The following RPS6KA2 variants were observed in gnomAD, a reference collection of about 807,000 sequenced individuals.
The protein encoded by RPS6KA2 is ribosomal protein S6 kinase alpha-2.
Under a neutral mutation model 91.8 loss-of-function variants are expected in RPS6KA2, and 42 were observed. That is an observed-to-expected ratio of 0.46 (90% CI 0.36 to 0.59). RPS6KA2 has a LOEUF of 0.59. RPS6KA2 is among the 20% of genes least tolerant of loss of function. RPS6KA2 has a pLI of 0.00. For synonymous variants in RPS6KA2, 414 were observed against 393.6 expected, an observed-to-expected ratio of 1.05 and a Z score of -0.61; for missense variants, 798 against 978.5, an observed-to-expected ratio of 0.82 and a Z score of 2.46.
chr6:166,543,443 C>T (rs143022481), intron 1 of RPS6KA2, among the ~76,000 whole-genome samples: 46 of 152,290 alleles, frequency 3.0e-4, no homozygotes, highest in African/African-American at 1.1e-3. Flanking sequence ...ACCAAAGGTG[C>T]CCTTCTCAAG....
At chr6:166,502,433 AC>A (rs1433318236) in intron 6 of RPS6KA2, among the ~76,000 whole-genome samples, 1 of 152,206 alleles carries the variant, frequency 6.6e-6, no homozygotes, top group East Asian at 1.9e-4. Context: ...GAACAACACA[AC>A]CTTTTCCTTC....
rs1031691088 is a variant in RPS6KA2 at position 166,490,927 on chromosome 6, G to T, written c.748-186C>A. Among the ~76,000 whole-genome samples the T allele has an allele frequency of 5.3e-5, 8 of 152,256 alleles. No homozygotes were observed. The highest frequency in any genetic ancestry group is 5.2e-4 in the Admixed American group (8 of 15,294). ...TGACTAAAACTGCCTCGCAGAGCTT[G>T]CCATTTGGTGGGTGAGACGGGTAAA... On this transcript the variant is annotated intron_variant, in intron 8 of 20. Coordinates refer to ENST00000265678, the MANE Select transcript of RPS6KA2 (RefSeq NM_021135.6). The surrounding 1 kb of genome is among the most constrained non-coding windows in gnomAD (Gnocchi z 4.2).
At chr6:166,853,764 C>T (rs944044252) in intron 2 of RPS6KA2, among the ~76,000 whole-genome samples, 1 of 152,248 alleles carries the variant, frequency 6.6e-6, no homozygotes, top group Non-Finnish European at 1.5e-5. Flanking sequence ...CCCAGTTAGG[C>T]CTGCAGGGCA....
At chr6:166,656,062 C>G (rs1787993126) in intron 2 of RPS6KA2, among the ~76,000 whole-genome samples, 1 of 152,188 alleles carries the variant, frequency 6.6e-6, no homozygotes, top group Non-Finnish European at 1.5e-5. Context: ...CAGCACACAC[C>G]TCTAAACACA....
At chr6:166,652,418 G>A (rs1035447561) in intron 2 of RPS6KA2, among the ~76,000 whole-genome samples, 5 of 152,072 alleles carry the variant, frequency 3.3e-5, no homozygotes, top group African/African-American at 4.8e-5. Context: ...TTTTCCTTGC[G>A]ATGTTTCCCA....
In RPS6KA2 at chr6:166,413,864, T is replaced by G. The variant is rs1297824161; in HGVS notation, c.2006A>C (p.His669Pro). The change falls in exon 20 of 21, where the codon CAC (histidine) becomes CCC (proline). Residue 669 changes from histidine (H) to proline (P), a missense_variant. Physicochemically the swap from His to Pro is moderately conservative, Grantham distance 77. Coordinates refer to ENST00000265678, the MANE Select transcript of RPS6KA2 (RefSeq NM_021135.6). ...GTACTCTCTGTTGACCACCCACGGG[T>G]GTTTGAGCACTTGCATCGCCGTCAG... ...QRLTAMQVLK[H>P]PWVVNREYLS... is the part of the protein sequence containing the mutation. The G allele has an allele frequency of 1.9e-6, 3 of 1,614,130 alleles. No homozygotes were observed. The highest frequency in any genetic ancestry group is 1.7e-6 in the Non-Finnish European group (2 of 1,180,010).
In RPS6KA2 at chr6:166,563,349, C is replaced by G. The variant is rs986001780; in HGVS notation, c.100-24565G>C. On this transcript the variant is annotated intron_variant, in intron 1 of 20. Transcript: ENST00000265678. The surrounding 1 kb of genome is among the most constrained non-coding windows in gnomAD (Gnocchi z 4.1). ...ATCAGCCTCTGTTCCTTCTTTTCCG[C>G]AGCTCACCTGTTCCCGGCTTTTCCT... is the stretch of plus-strand genomic sequence containing the variant. Among the ~76,000 whole-genome samples, 35 of 152,224 alleles carry G rather than the reference C, an allele frequency of 2.3e-4. No individual in the cohort carries two copies. Among genetic ancestry groups the G allele is most frequent in the African/African-American group, 8.2e-4 (34 of 41,454 alleles).
chr6:166,589,688 G>A (rs1174529906), intron 1 of RPS6KA2, among the ~76,000 whole-genome samples: 4 of 152,152 alleles, frequency 2.6e-5, no homozygotes, highest in Admixed American at 2.6e-4. Context: ...GGTAGAAATG[G>A]GCGCACATCA....
intron 2 of RPS6KA2, among the ~76,000 whole-genome samples, chr6:166,833,781 A>T (rs1046179658): frequency 6.6e-6 from 1 of 152,222 alleles, no homozygotes; most frequent in East Asian, 1.9e-4. Flanking sequence ...TCATTTGAGC[A>T]GGTTCCAGCT....
intron 14 of RPS6KA2, among the ~76,000 whole-genome samples, chr6:166,444,627 G>A (rs1030033894): frequency 3.9e-5 from 6 of 152,202 alleles, no homozygotes; most frequent in South Asian, 2.1e-4. Flanking sequence ...AAACAGTGCC[G>A]TGCGCGTGAG....
chr6:166,752,360 A>C, intron 2 of RPS6KA2, among the ~76,000 whole-genome samples: 1 of 152,196 alleles, frequency 6.6e-6, no homozygotes, highest in East Asian at 1.9e-4. Context: ...TCAGCTTCAC[A>C]TTCAACAGCG....
chr6:166,464,442 A>G (rs759378945), intron 11 of RPS6KA2, among the ~76,000 whole-genome samples: 3 of 152,210 alleles, frequency 2.0e-5, no homozygotes, highest in Non-Finnish European at 4.4e-5. Flanking sequence ...AGTAATAATA[A>G]GAGTCAGTGC....
Position 166,508,109 on chromosome 6 carries a change from G to T in RPS6KA2, c.459+94C>A. On this transcript the variant is annotated intron_variant, in intron 5 of 20. Transcript: ENST00000265678. The surrounding 1 kb of genome is among the most constrained non-coding windows in gnomAD (Gnocchi z 4.3). The stretch of plus-strand genomic sequence containing the variant: ...CACACACACACGCACTCTCGCACGT[G>T]CTCACGTCCTCTCAATGCTCTCCAC... The T allele has an allele frequency of 1.3e-6, 1 of 763,474 alleles. No individual in the cohort carries two copies. 47.3% of individuals were successfully genotyped at this position (763,474 alleles called of 1,614,324 possible). A position where few individuals can be genotyped will look rare whatever the true frequency, so the allele number is the denominator to read the frequency against.
At chr6:166,815,602 A>T (rs1022698239) in intron 2 of RPS6KA2, among the ~76,000 whole-genome samples, 1 of 152,248 alleles carries the variant, frequency 6.6e-6, no homozygotes. Context: ...GAAAAATTCC[A>T]TGGAGAGATG....
rs1784206008 is a variant in RPS6KA2, at chr6:166,557,317, C to T, written c.100-18533G>A. Among the ~76,000 whole-genome samples, 1 of 152,196 alleles carries T rather than the reference C, an allele frequency of 6.6e-6. No individual in the cohort carries two copies. The highest frequency in any genetic ancestry group is 2.1e-4 in the South Asian group (1 of 4,832). On this transcript the variant is annotated intron_variant, in intron 1 of 20. Transcript: ENST00000265678. The surrounding 1 kb of genome is among the most constrained non-coding windows in gnomAD (Gnocchi z 4.8). The stretch of plus-strand genomic sequence containing the variant: ...CAAGAACAGCCCGCAGGGAAGACGC[C>T]CAAAACCTAAATCGACATAAACACG...
intron 2 of RPS6KA2, among the ~76,000 whole-genome samples, chr6:166,832,166 T>C (rs1344282440): frequency 2.0e-5 from 3 of 152,156 alleles, no homozygotes; most frequent in African/African-American, 7.2e-5. Context: ...TGATTTGGCC[T>C]TGAAAGTGAC....
intron 2 of RPS6KA2, among the ~76,000 whole-genome samples, chr6:166,745,808 T>A (rs182669830): frequency 2.6e-5 from 4 of 152,280 alleles, no homozygotes; most frequent in Admixed American, 1.3e-4. Flanking sequence ...AACTCCCTAG[T>A]GTGTCATGGT....
intron 15 of RPS6KA2, 26 bp from the exon 16 acceptor site, chr6:166,430,637 C>T (rs532763237): frequency 1.3e-5 from 20 of 1,595,796 alleles, no homozygotes; most frequent in South Asian, 6.7e-5. Flanking sequence ...GGGGCGCACA[C>T]GTCACCACGG....
chr6:166,634,725 T>C (rs1787181401), intron 2 of RPS6KA2, among the ~76,000 whole-genome samples: 1 of 152,078 alleles, frequency 6.6e-6, no homozygotes, highest in Non-Finnish European at 1.5e-5. Context: ...CCTGTGATTG[T>C]TGAGTCGCTG....
Sources: gnomAD v4.1 joint callset for allele counts (sites outside exome capture counted in the v4.1 genomes callset) on GRCh38, gnomAD v4.1.1 for gene constraint, Gnocchi (gnomAD v3.1) non-coding constraint, MANE v1.5 for transcripts, NCBI Gene and HGNC (gene_info 2026-07-23, HGNC 2026-07-21) for gene names.